PIEZO2: variants seen among roughly 807,000 people sequenced by gnomAD.
PIEZO2 encodes the protein piezo-type mechanosensitive ion channel component 2.
A neutral mutation model predicts 337.3 loss-of-function variants in PIEZO2; 172 were observed. The ratio of observed to expected loss-of-function variants is 0.51; its 90% CI spans 0.45 to 0.58. The LOEUF (loss-of-function observed/expected upper bound fraction) is 0.58, where lower values mean the gene tolerates loss of function less well. PIEZO2 is among the 20% of genes least tolerant of loss of function. The probability of loss-of-function intolerance (pLI) is 0.00; values close to 1 mark genes in which losing one functional copy is unlikely to be tolerated. For missense variants in PIEZO2, 3,028 were observed against 3,391.3 expected, an observed-to-expected ratio of 0.89 and a Z score of 2.66; for synonymous variants, 1,251 against 1,228.5, an observed-to-expected ratio of 1.02 and a Z score of -0.38.
At position 10,801,999 on chromosome 18, in the gene PIEZO2, T is replaced by C. The variant is rs988438273; in HGVS notation, c.1201-571A>G. 1.4e-4 allele frequency among the ~76,000 whole-genome samples: 20 copies of C among 140,588 alleles called. No homozygotes were observed. In the Admixed American group the frequency reaches 1.5e-3, roughly 10 times the overall value. The allele number at this position is 140,588 out of a possible 152,430, so 92.2% of individuals were successfully genotyped here. ...TACTTGGGAGGCTGAGGCAGGAGAATGGCGTGAACCCGGGAGGCGGAGCTT... is the reference window on the plus strand; with the variant it reads ...TACTTGGGAGGCTGAGGCAGGAGAACGGCGTGAACCCGGGAGGCGGAGCTT... On this transcript the variant is annotated intron_variant, in intron 9 of 55. Coordinates refer to ENST00000674853, the MANE Select transcript of PIEZO2 (RefSeq NM_001378183.1).
intron 42 of PIEZO2, 27 bp downstream of exon 42, chr18:10,704,367 T>C: frequency 6.5e-7 from 1 of 1,534,714 alleles, no homozygotes; most frequent in Non-Finnish European, 8.7e-7. Flanking sequence ...CCTGAAGCCA[T>C]CCACAGGGGT....
chr18:10,989,523 C>T (rs1395606), intron 2 of PIEZO2, among the ~76,000 whole-genome samples: 3,104 of 150,178 alleles, frequency 0.021, 101 homozygotes, highest in African/African-American at 0.072. Context: ...TTTGACTGCA[C>T]GGAAACTGGA....
chr18:10,865,193 T>C (rs756044140), intron 5 of PIEZO2, among the ~76,000 whole-genome samples: 3 of 152,180 alleles, frequency 2.0e-5, no homozygotes, highest in African/African-American at 7.2e-5. Flanking sequence ...GGCCAAACCA[T>C]GCAGAGTCAT....
chr18:10,985,064 G>T (rs2034816818), intron 2 of PIEZO2, among the ~76,000 whole-genome samples: 1 of 152,054 alleles, frequency 6.6e-6, no homozygotes, highest in South Asian at 2.1e-4. Flanking sequence ...CACTAGAACT[G>T]CCCTATAAGA....
intron 36 of PIEZO2, among the ~76,000 whole-genome samples, chr18:10,728,852 G>C (rs992735008): frequency 1.3e-5 from 2 of 151,422 alleles, no homozygotes; most frequent in African/African-American, 4.9e-5. Context: ...CTACGTGGGA[G>C]GCTGAGGCAG....
In PIEZO2 at chr18:10,861,485, T is replaced by C. The variant is rs1366636020; in HGVS notation, c.493-4274A>G. ...ATAAATCTAAAGAAGAATATGCTAA[T>C]TGAAATAAGCCAGGCACAGAAAGAC... On this transcript the variant is annotated intron_variant, in intron 5 of 55. Coordinates refer to ENST00000674853, the MANE Select transcript of PIEZO2 (RefSeq NM_001378183.1). The surrounding 1 kb of genome is among the most constrained non-coding windows in gnomAD (Gnocchi z 4.3). 6.6e-6 allele frequency among the ~76,000 whole-genome samples: 1 copy of C among 152,192 alleles called. No homozygotes were observed. Among genetic ancestry groups the C allele is most frequent in the Non-Finnish European group, 1.5e-5 (1 of 68,036 alleles).
chr18:10,782,675 G>A (rs943813255), intron 17 of PIEZO2, among the ~76,000 whole-genome samples: 5 of 151,022 alleles, frequency 3.3e-5, no homozygotes, highest in African/African-American at 1.2e-4. Context: ...CTAAGCCACA[G>A]CTGCAAGGAA....
At chr18:10,858,815 A>G (rs577367821) in intron 5 of PIEZO2, among the ~76,000 whole-genome samples, 2 of 152,162 alleles carry the variant, frequency 1.3e-5, no homozygotes, top group African/African-American at 4.8e-5. Flanking sequence ...CCCTCCACCC[A>G]CCTACACACA....
rs1214916637 is a variant in PIEZO2 at position 10,696,669 on chromosome 18, C to T, written c.6828-130G>A. The T allele has an allele frequency of 2.6e-5, 27 of 1,058,736 alleles. No homozygotes were observed. In the Admixed American group the frequency reaches 5.8e-4, roughly 23 times the overall value. 65.6% of individuals were successfully genotyped at this position (1,058,736 alleles called of 1,614,324 possible). A position where few individuals can be genotyped will look rare whatever the true frequency, so the allele number is the denominator to read the frequency against. ...CCAGTCAGGTCCCACCTTCCTCTCT[C>T]TGCCTCAGGATAGTCCCGCTGTGGA... On this transcript the variant is annotated intron_variant, in intron 45 of 55. Coordinates refer to ENST00000674853, the MANE Select transcript of PIEZO2 (RefSeq NM_001378183.1).
At chr18:10,887,826 T>G (rs1014547649) in intron 4 of PIEZO2, among the ~76,000 whole-genome samples, 5 of 152,170 alleles carry the variant, frequency 3.3e-5, no homozygotes, top group Non-Finnish European at 7.3e-5. Flanking sequence ...GCTCATGAAT[T>G]CTTGCAAAAC....
chr18:10,731,655 T>A, intron 35 of PIEZO2, 134 bp from the exon 36 acceptor site: 3 of 457,054 alleles, frequency 6.6e-6, no homozygotes, highest in Non-Finnish European at 1.1e-5. Context: ...ATTTTTATTA[T>A]CATGAGATTC....
At chr18:11,040,454 T>G (rs534599009) in intron 2 of PIEZO2, among the ~76,000 whole-genome samples, 24 of 152,336 alleles carry the variant, frequency 1.6e-4, no homozygotes, top group African/African-American at 5.8e-4. Context: ...TCTTCACTAT[T>G]GATAAGTAAA....
rs112344567 is a variant in PIEZO2, at chr18:11,116,292, C to A, written c.64+32233G>T. ...AGGAGTTTGGGGATCCCAGGAAGGG[C>A]AGAGTTTCTCTGAGCCCCAAAACCA... On this transcript the variant is annotated intron_variant, in intron 1 of 55. Transcript: ENST00000674853. The surrounding 1 kb of genome is among the most constrained non-coding windows in gnomAD (Gnocchi z 5.0). Among the ~76,000 whole-genome samples the A allele has an allele frequency of 6.1e-3, 924 of 152,246 alleles. 15 individuals carry two copies. Among genetic ancestry groups the A allele is most frequent in the African/African-American group, 0.021 (879 of 41,562 alleles).
In PIEZO2 at chr18:10,962,966, C is replaced by T. The variant is rs981577803; in HGVS notation, c.286+16569G>A. Among the ~76,000 whole-genome samples the T allele has an allele frequency of 2.0e-5, 3 of 152,134 alleles. No individual in the cohort carries two copies. The highest frequency in any genetic ancestry group is 7.2e-5 in the African/African-American group (3 of 41,440). ...ATTGGTCTGGGGCTATACATATACC[C>T]AGAATCATTCCTCCTGTCAAAATTA... On this transcript the variant is annotated intron_variant, in intron 3 of 55. Coordinates refer to ENST00000674853, the MANE Select transcript of PIEZO2 (RefSeq NM_001378183.1). This position sits in a 1 kb window ranked among gnomAD's most constrained non-coding sequence, Gnocchi z 4.1.
At chr18:11,144,615 T>TA (rs1324766872) in intron 1 of PIEZO2, among the ~76,000 whole-genome samples, 6 of 152,258 alleles carry the variant, frequency 3.9e-5, no homozygotes, top group Admixed American at 3.9e-4. Flanking sequence ...CCCAAATTTT[T>TA]ACTCACATTT....
intron 3 of PIEZO2, among the ~76,000 whole-genome samples, chr18:10,920,360 A>G (rs976941224): frequency 6.6e-6 from 1 of 152,182 alleles, no homozygotes; most frequent in Non-Finnish European, 1.5e-5. Flanking sequence ...GGCACTCGTC[A>G]GCAAAAAGTT....
chr18:10,931,697 G>GGTGTGTGTGTGTGTGT (rs369138997), intron 3 of PIEZO2, among the ~76,000 whole-genome samples: 1 of 143,438 alleles, frequency 7.0e-6, no homozygotes, highest in African/African-American at 2.5e-5. Context: ...TTCTCTGTGT[G>GGTGTGTGTGTGTGTGT]GTGTGTGTGT....
intron 1 of PIEZO2, among the ~76,000 whole-genome samples, chr18:11,085,548 T>C (rs56824874): frequency 0.11 from 17,307 of 152,094 alleles, 1,120 homozygotes; most frequent in African/African-American, 0.17. Context: ...AACCCCTATT[T>C]AGGGGGCTCT....
rs895652096 is a variant in PIEZO2, at chr18:11,097,811, C to T, written c.65-31589G>A. ...AATCAGAAAAAGTCTACCCACTGGG[C>T]TGTTTTCTAAAGACTTCTGTGGACT... On this transcript the variant is annotated intron_variant, in intron 1 of 55. Coordinates refer to ENST00000674853, the MANE Select transcript of PIEZO2 (RefSeq NM_001378183.1). The surrounding 1 kb of genome is among the most constrained non-coding windows in gnomAD (Gnocchi z 5.0). 3.3e-5 allele frequency among the ~76,000 whole-genome samples: 5 copies of T among 152,180 alleles called. No individual in the cohort carries two copies. The highest frequency in any genetic ancestry group is 1.2e-4 in the African/African-American group (5 of 41,454).
Sources: allele counts gnomAD v4.1 joint callset (sites outside exome capture counted in the v4.1 genomes callset), GRCh38; gene constraint gnomAD v4.1.1; non-coding constraint Gnocchi (gnomAD v3.1); transcripts MANE v1.5; gene names NCBI Gene and HGNC (gene_info 2026-07-23, HGNC 2026-07-21).